HDGFL3: variants seen among roughly 807,000 people sequenced by gnomAD.
The protein encoded by HDGFL3 is HDGF like 3.
A neutral mutation model predicts 27.6 loss-of-function variants in HDGFL3; 6 were observed. The ratio of observed to expected loss-of-function variants is 0.22; its 90% CI spans 0.12 to 0.43. The LOEUF (loss-of-function observed/expected upper bound fraction) is 0.43, where lower values mean the gene tolerates loss of function less well. HDGFL3 is among the 20% of genes least tolerant of loss of function. The pLI, the probability that HDGFL3 is intolerant of heterozygous loss-of-function variation, is 1.00. For missense variants in HDGFL3, 207 were observed against 250.1 expected (o/e 0.83, Z 1.16); for synonymous variants, 88 against 88.9 (o/e 0.99, Z 0.05).
In HDGFL3 at chr15:83,138,604, T is replaced by C. The variant is rs1308828362; in HGVS notation, c.*666A>G. ...TTGGCACTGGGAAAAAAATAAATCA[T>C]TGCCTTTATTTTGGAGTAACACAAA... On this transcript the variant is annotated 3_prime_UTR_variant, in exon 6 of 6. Coordinates refer to ENST00000299633, the MANE Select transcript of HDGFL3 (RefSeq NM_016073.4). The C allele has an allele frequency of 2.6e-5, 4 of 152,574 alleles. No homozygotes were observed. Among genetic ancestry groups the C allele is most frequent in the Admixed American group, 1.3e-4 (2 of 15,272 alleles). 9.5% of individuals were successfully genotyped at this position (152,574 alleles called of 1,614,324 possible). A position where few individuals can be genotyped will look rare whatever the true frequency, so the allele number is the denominator to read the frequency against.
At chr15:83,189,780 T>C (rs538432555) in intron 1 of HDGFL3, among the ~76,000 whole-genome samples, 1 of 152,328 alleles carries the variant, frequency 6.6e-6, no homozygotes, top group East Asian at 1.9e-4. Flanking sequence ...TGGGTAAATA[T>C]TGCTTTATTA....
At chr15:83,172,456 C>A (rs1366306318) in intron 1 of HDGFL3, among the ~76,000 whole-genome samples, 1 of 152,080 alleles carries the variant, frequency 6.6e-6, no homozygotes, top group East Asian at 1.9e-4. Flanking sequence ...GCCTATGAAG[C>A]CTTACCAATA....
intron 1 of HDGFL3, among the ~76,000 whole-genome samples, chr15:83,165,860 T>C (rs1476661682): frequency 6.7e-6 from 1 of 149,508 alleles, no homozygotes; most frequent in African/African-American, 2.5e-5. Context: ...ATTCCAGAGC[T>C]TGAAGACCGG....
chr15:83,128,882 G>A lies in HDGFL3; in HGVS notation c.*10388C>T, dbSNP rs531524588. On this transcript the variant is annotated 3_prime_UTR_variant, in exon 6 of 6. Transcript: ENST00000299633. ...GTCTTGCTCCATCTCCCAGGCTGGA[G>A]TGTGATGGCACAGTCATAGCTCACC... The A allele has an allele frequency of 2.6e-5, 4 of 152,182 alleles. No individual in the cohort carries two copies. Among genetic ancestry groups the A allele is most frequent in the Admixed American group, 6.5e-5 (1 of 15,276 alleles). 9.4% of individuals were successfully genotyped at this position (152,182 alleles called of 1,614,324 possible).
intron 1 of HDGFL3, among the ~76,000 whole-genome samples, chr15:83,180,064 G>C (rs1171226672): frequency 6.6e-6 from 1 of 151,764 alleles, no homozygotes; most frequent in African/African-American, 2.4e-5. Flanking sequence ...TGAAACAGTA[G>C]ATGCCAAACC....
intron 1 of HDGFL3, among the ~76,000 whole-genome samples, chr15:83,194,977 A>C (rs2151421186): frequency 6.6e-6 from 1 of 152,326 alleles, no homozygotes; most frequent in African/African-American, 2.4e-5. Flanking sequence ...AGGAGGGCTC[A>C]CTCAGGATGC....
chr15:83,123,723 G>T (rs185177547), downstream of HDGFL3, among the ~76,000 whole-genome samples: 31 of 152,266 alleles, frequency 2.0e-4, no homozygotes, highest in African/African-American at 7.5e-4. Context: ...CTGTTAAAAA[G>T]AAAAAGCAAA....
chr15:83,117,256 A>C (rs1430426427), intron 3 of HDGFL3, among the ~76,000 whole-genome samples: 1 of 152,150 alleles, frequency 6.6e-6, no homozygotes, highest in African/African-American at 2.4e-5. Flanking sequence ...TCCCTGGGGC[A>C]CCAATCTGCA....
At chr15:83,187,663 C>T (rs1478551716) in intron 1 of HDGFL3, among the ~76,000 whole-genome samples, 5 of 151,664 alleles carry the variant, frequency 3.3e-5, no homozygotes, top group South Asian at 4.2e-4. Context: ...CTGAGGCGGG[C>T]GGATCACCTA....
At chr15:83,149,984 A>G (rs1194356850) in intron 5 of HDGFL3, among the ~76,000 whole-genome samples, 1 of 152,200 alleles carries the variant, frequency 6.6e-6, no homozygotes, top group Non-Finnish European at 1.5e-5. Context: ...TTTCATGTGC[A>G]TATGAATTAC....
chr15:83,164,112 A>T, intron 1 of HDGFL3, 37 bp from the exon 2 acceptor site: 1 of 1,263,918 alleles, frequency 7.9e-7, no homozygotes, highest in Non-Finnish European at 1.1e-6. Flanking sequence ...GTGAGTGGTT[A>T]TCATAAATAC....
At position 83,136,880 on chromosome 15, in the gene HDGFL3, A is replaced by G. The variant is rs1487034926; in HGVS notation, c.*2390T>C. 3 of 389,304 alleles carry G rather than the reference A, an allele frequency of 7.7e-6. No homozygotes were observed. Among genetic ancestry groups the G allele is most frequent in the Non-Finnish European group, 1.4e-5 (3 of 217,310 alleles). The allele number at this position is 389,304 out of a possible 1,614,324, so 24.1% of individuals were successfully genotyped here. Reference sequence around the variant, plus strand: ...CTTGAGAAACAGTTTGTTTAAAGAAATATATTCAAAATCATTTGTGAATAA... The same window carrying G: ...CTTGAGAAACAGTTTGTTTAAAGAAGTATATTCAAAATCATTTGTGAATAA... On this transcript the variant is annotated 3_prime_UTR_variant, in exon 6 of 6. Coordinates refer to ENST00000299633, the MANE Select transcript of HDGFL3 (RefSeq NM_016073.4).
intron 1 of HDGFL3, among the ~76,000 whole-genome samples, chr15:83,183,186 A>C (rs1436324279): frequency 6.6e-6 from 1 of 152,148 alleles, no homozygotes; most frequent in Non-Finnish European, 1.5e-5. Flanking sequence ...TACAGATTGA[A>C]ACCACAGTAG....
chr15:83,157,842 T>C, intron 3 of HDGFL3, 61 bp downstream of exon 3: 4 of 1,486,722 alleles, frequency 2.7e-6, no homozygotes, highest in Non-Finnish European at 2.8e-6. Flanking sequence ...AAGAAAGATT[T>C]GAAAAAGCGT....
intron 1 of HDGFL3, among the ~76,000 whole-genome samples, chr15:83,194,864 A>ATT (rs764805984): frequency 1.1e-4 from 16 of 152,200 alleles, no homozygotes; most frequent in East Asian, 3.9e-4. Context: ...AACACTGAAA[A>ATT]TCATCTTAAA....
At chr15:83,122,736 C>T (rs777262526) in intron 3 of HDGFL3, 1 of 1,609,278 alleles carries the variant, frequency 6.2e-7, no homozygotes, top group East Asian at 2.2e-5. Context: ...TAACTTCTTT[C>T]TCTTTCTCTC....
intron 2 of HDGFL3, 98 bp from the exon 3 acceptor site, chr15:83,158,139 C>T: frequency 2.0e-6 from 2 of 1,012,630 alleles, no homozygotes; most frequent in Non-Finnish European, 2.9e-6. Context: ...CATACTATAG[C>T]AAACAAATCT....
intron 1 of HDGFL3, among the ~76,000 whole-genome samples, chr15:83,171,413 A>C (rs927000728): frequency 6.6e-6 from 1 of 152,140 alleles, no homozygotes; most frequent in East Asian, 1.9e-4. Context: ...AAAAGAAAAC[A>C]AATTGTTCTA....
At chr15:83,201,923 C>T (rs1455720366) in intron 1 of HDGFL3, among the ~76,000 whole-genome samples, 1 of 152,146 alleles carries the variant, frequency 6.6e-6, no homozygotes, top group African/African-American at 2.4e-5. Context: ...TGTGCCAGGA[C>T]TGAACAACTG....
Sources: gnomAD v4.1 joint callset for allele counts (sites outside exome capture counted in the v4.1 genomes callset) on GRCh38, gnomAD v4.1.1 for gene constraint, MANE v1.5 for transcripts, NCBI Gene and HGNC (gene_info 2026-07-23, HGNC 2026-07-21) for gene names.